KCNAB2: variants seen among roughly 807,000 people sequenced by gnomAD.
KCNAB2 encodes voltage-gated potassium channel subunit beta-2.
A neutral mutation model predicts 63.6 loss-of-function variants in KCNAB2; 29 were observed. The observed-to-expected ratio is 0.46, with a 90% CI of 0.34 to 0.62. The LOEUF (loss-of-function observed/expected upper bound fraction) is 0.62, where lower values mean the gene tolerates loss of function less well. KCNAB2 is among the 20% of genes least tolerant of loss of function. The probability of loss-of-function intolerance (pLI) is 0.01; values close to 1 mark genes in which losing one functional copy is unlikely to be tolerated. For missense variants in KCNAB2, 359 were observed against 563.9 expected (o/e 0.64, Z 3.68); for synonymous variants, 222 against 224.2 (o/e 0.99, Z 0.09).
chr1:6,099,645 C>G lies in KCNAB2; in HGVS notation c.*1071C>G. On this transcript the variant is annotated 3_prime_UTR_variant, in exon 16 of 16. Transcript: ENST00000378083. ...GCTGGTGGGCTTGGGTTTTGTGGAG[C>G]GCATGCTTGGACCCTTTCAGTAAGG... 9.6e-7 allele frequency: 1 copy of G among 1,039,450 alleles called. No homozygotes were observed. Among genetic ancestry groups the G allele is most frequent in the East Asian group, 2.7e-5 (1 of 36,592 alleles). The allele number at this position is 1,039,450 out of a possible 1,614,324, so 64.4% of individuals were successfully genotyped here. A position where few individuals can be genotyped will look rare whatever the true frequency, so the allele number is the denominator to read the frequency against.
In KCNAB2 at chr1:6,096,964, C is replaced by T. The variant is rs1398231481; in HGVS notation, c.1069+208C>T. On this transcript the variant is annotated intron_variant, in intron 14 of 15. Coordinates refer to ENST00000378083, the MANE Select transcript of KCNAB2 (RefSeq NM_001199862.2). The surrounding 1 kb of genome is among the most constrained non-coding windows in gnomAD (Gnocchi z 5.9). ...TGCCTCTAGGGGGATGTCAGGAGTC[C>T]CTGAGGACCTGGGCCACCCCCTCCA... Among the ~76,000 whole-genome samples, 10 of 152,110 alleles carry T rather than the reference C, an allele frequency of 6.6e-5. No individual in the cohort carries two copies. The highest frequency in any genetic ancestry group is 1.5e-4 in the Non-Finnish European group (10 of 67,980).
chr1:6,093,956 C>G (rs1665404343), intron 10 of KCNAB2, among the ~76,000 whole-genome samples: 1 of 152,186 alleles, frequency 6.6e-6, no homozygotes, highest in African/African-American at 2.4e-5. Context: ...CGCAAAAACA[C>G]ATGTCCCTCC....
chr1:6,077,662 G>A (rs1663787827), intron 4 of KCNAB2, among the ~76,000 whole-genome samples: 1 of 152,176 alleles, frequency 6.6e-6, no homozygotes, highest in Non-Finnish European at 1.5e-5. Flanking sequence ...AGCGGAGAGC[G>A]CCGAGCCCTT....
Position 6,074,229 on chromosome 1 carries a change from T to C in KCNAB2, c.300+459T>C, listed in dbSNP as rs563281633. Among the ~76,000 whole-genome samples, 8 of 152,350 alleles carry C rather than the reference T, an allele frequency of 5.3e-5. No individual in the cohort carries two copies. The highest frequency in any genetic ancestry group is 1.4e-4 in the African/African-American group (6 of 41,582). On this transcript the variant is annotated intron_variant, in intron 4 of 15. Coordinates refer to ENST00000378083, the MANE Select transcript of KCNAB2 (RefSeq NM_001199862.2). This position sits in a 1 kb window ranked among gnomAD's most constrained non-coding sequence, Gnocchi z 4.9. ...AGCTGAAGAACCTGAGATCTGCATT[T>C]CACCCAACATCCACTGTCCATTTCC...
intron 10 of KCNAB2, among the ~76,000 whole-genome samples, chr1:6,092,740 C>G (rs1665294835): frequency 6.6e-6 from 1 of 152,212 alleles, no homozygotes; most frequent in Non-Finnish European, 1.5e-5. Context: ...GCAGGTGGCC[C>G]AGGGAGGTGG....
chr1:6,043,739 A>G (rs1660696143), upstream of KCNAB2, among the ~76,000 whole-genome samples: 1 of 152,246 alleles, frequency 6.6e-6, no homozygotes, highest in Non-Finnish European at 1.5e-5. Context: ...CTCACAGGGC[A>G]GAGGCGTTCA....
intron 1 of KCNAB2, among the ~76,000 whole-genome samples, chr1:6,037,993 C>T (rs960990714): frequency 2.0e-5 from 3 of 150,838 alleles, no homozygotes; most frequent in African/African-American, 7.3e-5. Flanking sequence ...TCCTGCCTCA[C>T]CCTCCCAAGT....
At chr1:6,091,846 G>A (rs1477937835) in intron 10 of KCNAB2, among the ~76,000 whole-genome samples, 4 of 152,256 alleles carry the variant, frequency 2.6e-5, no homozygotes, top group East Asian at 1.9e-4. Context: ...TGCTGGCTGC[G>A]TGTCCCCTCT....
chr1:6,064,329 C>T lies in KCNAB2; in HGVS notation c.219-8426C>T, dbSNP rs540576306. ...GAACAGCCCTGTCCTAGACGGTGAG[C>T]GCCATGAGAGCAGGTGCCTTGTGAT... On this transcript the variant is annotated intron_variant, in intron 2 of 15. Coordinates refer to ENST00000378083, the MANE Select transcript of KCNAB2 (RefSeq NM_001199862.2). Among the ~76,000 whole-genome samples the T allele has an allele frequency of 5.3e-5, 8 of 152,322 alleles. No homozygotes were observed. The East Asian group carries it at 9.6e-4, about 18-fold the overall frequency.
chr1:6,033,195 A>G (rs1557429365), upstream of KCNAB2, among the ~76,000 whole-genome samples: 1 of 151,634 alleles, frequency 6.6e-6, no homozygotes, highest in African/African-American at 2.4e-5. Context: ...GTGTGTGTGC[A>G]TGTGCGTGTG....
At chr1:6,033,991 G>A (rs554770907), upstream of KCNAB2, among the ~76,000 whole-genome samples, 27 of 152,120 alleles carry the variant, frequency 1.8e-4, no homozygotes, top group African/African-American at 6.3e-4. Context: ...CCTGCACCCC[G>A]TCAGCTGCTA....
intron 1 of KCNAB2, among the ~76,000 whole-genome samples, chr1:5,999,409 C>T (rs527306437): frequency 7.9e-5 from 12 of 152,164 alleles, no homozygotes; most frequent in East Asian, 1.9e-4. Flanking sequence ...TAGCCCTAGC[C>T]GTTTCAGTCT....
In KCNAB2 at chr1:6,007,193, T is replaced by G. The variant is rs1045475585; in HGVS notation, c.-53+14405T>G. Among the ~76,000 whole-genome samples the G allele has an allele frequency of 4.2e-5, 5 of 119,804 alleles. No individual in the cohort carries two copies. In the East Asian group the frequency reaches 1.4e-3, roughly 34 times the overall value. 78.6% of individuals were successfully genotyped at this position (119,804 alleles called of 152,430 possible). A position where few individuals can be genotyped will look rare whatever the true frequency, so the allele number is the denominator to read the frequency against. On this transcript the variant is annotated intron_variant, in intron 1 of 16. Coordinates refer to the KCNAB2 transcript ENST00000341524. Reference sequence around the variant, plus strand: ...TTACTGCCCGGGCCTCCCTGCCCAGTCACTGCATGGGGGGGGCTCAGCTCC... The same window carrying G: ...TTACTGCCCGGGCCTCCCTGCCCAGGCACTGCATGGGGGGGGCTCAGCTCC...
rs1390768422 is a variant in KCNAB2, at chr1:6,078,023, AGCCGG to A, written c.301-4164_301-4160del. Among the ~76,000 whole-genome samples, 39 of 149,808 alleles carry A rather than the reference AGCCGG, an allele frequency of 2.6e-4. No individual in the cohort carries two copies. Among genetic ancestry groups the A allele is most frequent in the African/African-American group, 9.5e-4 (38 of 39,814 alleles). Reference sequence around the variant, plus strand: ...ACCCCTGAGCCTAAGTCCAGGAGTCAGCCGGGCCGGGCTTCCTTCTCCCGGCCAGG... The same window carrying A: ...ACCCCTGAGCCTAAGTCCAGGAGTCAGCCGGGCTTCCTTCTCCCGGCCAGG... On this transcript the variant is annotated intron_variant, in intron 4 of 15. Transcript: ENST00000378083. The surrounding 1 kb of genome is among the most constrained non-coding windows in gnomAD (Gnocchi z 4.2).
intron 1 of KCNAB2, among the ~76,000 whole-genome samples, chr1:6,013,452 C>T (rs1444422354): frequency 1.3e-5 from 2 of 152,158 alleles, no homozygotes; most frequent in African/African-American, 2.4e-5. Flanking sequence ...ACAAAAGAAA[C>T]AACCACGCAA....
intron 15 of KCNAB2, 107 bp from the exon 16 acceptor site, chr1:6,098,378 C>G (rs867722231): frequency 2.0e-6 from 3 of 1,528,450 alleles, no homozygotes; most frequent in Middle Eastern, 3.6e-4. Context: ...GATGGGGCAA[C>G]CCGGGCCTGG....
chr1:6,027,181 T>A (rs60876998), intron 1 of KCNAB2: 64,535 of 151,650 alleles, frequency 0.43, 14,079 homozygotes, highest in East Asian at 0.6. Context: ...CAGGGTGTGG[T>A]CTTGGAGGGA....
intron 15 of KCNAB2, 69 bp from the exon 16 acceptor site, chr1:6,098,416 C>T: frequency 6.3e-7 from 1 of 1,595,356 alleles, no homozygotes; most frequent in Non-Finnish European, 8.6e-7. Flanking sequence ...AGAGCCTGGC[C>T]CCACCTCCTC....
At chr1:6,015,026 T>G (rs1368169523) in intron 1 of KCNAB2, among the ~76,000 whole-genome samples, 2 of 126,472 alleles carry the variant, frequency 1.6e-5, no homozygotes, top group African/African-American at 6.4e-5. Flanking sequence ...CTTTTTTTTT[T>G]TTTTTTTTTT....
Sources: gnomAD v4.1 joint callset for allele counts (sites outside exome capture counted in the v4.1 genomes callset) on GRCh38, gnomAD v4.1.1 for gene constraint, Gnocchi (gnomAD v3.1) non-coding constraint, MANE v1.5 for transcripts, NCBI Gene and HGNC (gene_info 2026-07-23, HGNC 2026-07-21) for gene names.